The following FNTB variants were observed in gnomAD, a reference collection of about 807,000 sequenced individuals.
FNTB encodes protein farnesyltransferase subunit beta.
Under a neutral mutation model 59.4 loss-of-function variants are expected in FNTB, and 27 were observed. That is an observed-to-expected ratio of 0.45 (90% confidence interval 0.34 to 0.63). The LOEUF (loss-of-function observed/expected upper bound fraction) is 0.63. FNTB is among the 20% of genes least tolerant of loss of function. FNTB has a pLI of 0.02. For synonymous variants in FNTB, 230 were observed against 220.7 expected (o/e 1.04, Z -0.37); for missense variants, 449 against 559.6 (o/e 0.80, Z 1.99).
chr14:65,012,273 G>A lies in FNTB; in HGVS notation c.210-44G>A, dbSNP rs992307741. On this transcript the variant is annotated intron_variant, in intron 2 of 11. Coordinates refer to ENST00000246166, the MANE Select transcript of FNTB (RefSeq NM_002028.4). This position sits in a 1 kb window ranked among gnomAD's most constrained non-coding sequence, Gnocchi z 5.0. ...GTGCACATACGTGTGTATGGTGGAA[G>A]CATAAGCTATTAGAATGGGCTTATA... 2 of 1,610,722 alleles carry A rather than the reference G, an allele frequency of 1.2e-6. No homozygotes were observed. The highest frequency in any genetic ancestry group is 1.7e-4 in the Middle Eastern group (1 of 6,056).
Position 65,001,033 on chromosome 14 carries a change from C to T in FNTB, c.145-3216C>T, listed in dbSNP as rs543508497. 1.5e-4 allele frequency among the ~76,000 whole-genome samples: 23 copies of T among 152,146 alleles called. No homozygotes were observed. In the South Asian group the frequency reaches 2.5e-3, roughly 16 times the overall value. On this transcript the variant is annotated intron_variant, in intron 1 of 11. Transcript: ENST00000246166. This position sits in a 1 kb window ranked among gnomAD's most constrained non-coding sequence, Gnocchi z 5.5. Reference sequence around the variant, plus strand: ...TGAAATGCCTTTAAACAACTGCCCCCGGACATGGGTGTTGGGAGCATAAAT... The same window carrying T: ...TGAAATGCCTTTAAACAACTGCCCCTGGACATGGGTGTTGGGAGCATAAAT...
chr14:65,012,835 A>G lies in FNTB; in HGVS notation c.282+446A>G, dbSNP rs1299063904. Among the ~76,000 whole-genome samples the G allele has an allele frequency of 6.6e-6, 1 of 152,224 alleles. No individual in the cohort carries two copies. Among genetic ancestry groups the G allele is most frequent in the African/African-American group, 2.4e-5 (1 of 41,456 alleles). ...CTTCACCACTCCTTCTAGTAAGTAC[A>G]TTACTTTTCATATCTTCATTAAAGA... On this transcript the variant is annotated intron_variant, in intron 3 of 11. Transcript: ENST00000246166. This position sits in a 1 kb window ranked among gnomAD's most constrained non-coding sequence, Gnocchi z 5.0.
intron 9 of FNTB, among the ~76,000 whole-genome samples, chr14:65,048,556 A>G (rs1053917828): frequency 6.6e-6 from 1 of 152,296 alleles, no homozygotes; most frequent in African/African-American, 2.4e-5. Context: ...AGGAATTACT[A>G]TTAGTACCTT....
chr14:65,045,563 G>A (rs189489913), intron 9 of FNTB, among the ~76,000 whole-genome samples: 53 of 151,970 alleles, frequency 3.5e-4, no homozygotes, highest in Non-Finnish European at 1.0e-4. Context: ...CTACAGGCGC[G>A]TGCCACCACA....
chr14:64,988,515 C>T (rs903471379), intron 1 of FNTB, among the ~76,000 whole-genome samples: 1 of 150,014 alleles, frequency 6.7e-6, no homozygotes, highest in Non-Finnish European at 1.5e-5. Flanking sequence ...GCTTACTGCA[C>T]CCTCCGCCTC....
Position 65,047,978 on chromosome 14 carries a change from ATTTTTTTTT to A in FNTB, c.955+3554_955+3562del, listed in dbSNP as rs34879850. On this transcript the variant is annotated intron_variant, in intron 9 of 11. Transcript: ENST00000246166. The surrounding 1 kb of genome is among the most constrained non-coding windows in gnomAD (Gnocchi z 5.2). ...AGACAGAAGGAGGGAGACTTTTTAG[ATTTTTTTTT>A]TTTTTTTTTTTTTTTTTTGAGACAG... is the stretch of plus-strand genomic sequence containing the variant. Among the ~76,000 whole-genome samples, 2 of 64,128 alleles carry A rather than the reference ATTTTTTTTT, an allele frequency of 3.1e-5. No individual in the cohort carries two copies. Among genetic ancestry groups the A allele is most frequent in the South Asian group, 6.3e-4 (1 of 1,596 alleles). The allele number at this position is 64,128 out of a possible 152,430, so 42.1% of individuals were successfully genotyped here.
rs2139586469 is a variant in FNTB at position 65,031,118 on chromosome 14, T to C, written c.606-1492T>C. Among the ~76,000 whole-genome samples the C allele has an allele frequency of 6.6e-6, 1 of 151,768 alleles. No homozygotes were observed. Among genetic ancestry groups the C allele is most frequent in the African/African-American group, 2.4e-5 (1 of 41,376 alleles). ...CTACCATGCCTGGCCAGGAGAAGGATTTTTGAGCAGAATTCAAACCAATGA... is the reference window on the plus strand; with the variant it reads ...CTACCATGCCTGGCCAGGAGAAGGACTTTTGAGCAGAATTCAAACCAATGA... On this transcript the variant is annotated intron_variant, in intron 6 of 11. Coordinates refer to ENST00000246166, the MANE Select transcript of FNTB (RefSeq NM_002028.4). The surrounding 1 kb of genome is among the most constrained non-coding windows in gnomAD (Gnocchi z 4.6).
At position 65,029,138 on chromosome 14, in the gene FNTB, G is replaced by A. The variant is rs1333447387; in HGVS notation, c.605+1357G>A. 6.6e-6 allele frequency among the ~76,000 whole-genome samples: 1 copy of A among 152,062 alleles called. No homozygotes were observed. ...ATTCTTCCCTGACCTTTGCTCTTTG[G>A]GTGATGCTCTGCCATTCGTGCCCGT... On this transcript the variant is annotated intron_variant, in intron 6 of 11. Coordinates refer to ENST00000246166, the MANE Select transcript of FNTB (RefSeq NM_002028.4). This position sits in a 1 kb window ranked among gnomAD's most constrained non-coding sequence, Gnocchi z 4.7.
At chr14:65,045,418 C>G (rs563451844) in intron 9 of FNTB, among the ~76,000 whole-genome samples, 17 of 143,910 alleles carry the variant, frequency 1.2e-4, no homozygotes, top group African/African-American at 2.8e-4. Flanking sequence ...CGTCTTCCCC[C>G]CTCCCCGCCG....
At position 65,047,966 on chromosome 14, in the gene FNTB, G is replaced by A. The variant is rs1022654303; in HGVS notation, c.955+3523G>A. Among the ~76,000 whole-genome samples, 2 of 150,516 alleles carry A rather than the reference G, an allele frequency of 1.3e-5. No homozygotes were observed. Among genetic ancestry groups the A allele is most frequent in the Non-Finnish European group, 1.5e-5 (1 of 67,854 alleles). Reference sequence around the variant, plus strand: ...GAAGCAGACAGAAGACAGAAGGAGGGAGACTTTTTAGATTTTTTTTTTTTT... The same window carrying A: ...GAAGCAGACAGAAGACAGAAGGAGGAAGACTTTTTAGATTTTTTTTTTTTT... On this transcript the variant is annotated intron_variant, in intron 9 of 11. Coordinates refer to ENST00000246166, the MANE Select transcript of FNTB (RefSeq NM_002028.4). This position sits in a 1 kb window ranked among gnomAD's most constrained non-coding sequence, Gnocchi z 5.2.
chr14:64,999,200 G>A (rs1289508010), intron 1 of FNTB, among the ~76,000 whole-genome samples: 2 of 152,226 alleles, frequency 1.3e-5, no homozygotes, highest in Non-Finnish European at 2.9e-5. Context: ...CACTTTGGGA[G>A]GCCAAGGCTT....
rs1350380247 is a variant in FNTB at position 65,032,016 on chromosome 14, G to GTGTA, written c.606-593_606-590dup. Among the ~76,000 whole-genome samples, 1 of 149,482 alleles carries GTGTA rather than the reference G, an allele frequency of 6.7e-6. No individual in the cohort carries two copies. Among genetic ancestry groups the GTGTA allele is most frequent in the Non-Finnish European group, 1.5e-5 (1 of 66,914 alleles). ...TGTGTGTGTGTGTGTGTGTGTGTGT[G>GTGTA]TGTACTGGTGAGAGGTTTGAAATCA... On this transcript the variant is annotated intron_variant, in intron 6 of 11. Coordinates refer to ENST00000246166, the MANE Select transcript of FNTB (RefSeq NM_002028.4). The surrounding 1 kb of genome is among the most constrained non-coding windows in gnomAD (Gnocchi z 5.0).
chr14:65,051,648 A>G (rs1174821445), intron 9 of FNTB, among the ~76,000 whole-genome samples: 1 of 152,084 alleles, frequency 6.6e-6, no homozygotes, highest in African/African-American at 2.4e-5. Context: ...CAACAGTTTA[A>G]TATTTTGCTT....
Position 65,012,500 on chromosome 14 carries a change from T to G in FNTB, c.282+111T>G. ...GGCTGACCTGTTGCAGAGTCACTCT[T>G]TGTTCTCTGTGGCTCTGGCAGGAGG... On this transcript the variant is annotated intron_variant, in intron 3 of 11. Transcript: ENST00000246166. This position sits in a 1 kb window ranked among gnomAD's most constrained non-coding sequence, Gnocchi z 5.0. The G allele has an allele frequency of 7.1e-7, 1 of 1,406,312 alleles. No homozygotes were observed. The highest frequency in any genetic ancestry group is 9.8e-7 in the Non-Finnish European group (1 of 1,024,366). 87.1% of individuals were successfully genotyped at this position (1,406,312 alleles called of 1,614,324 possible).
Position 65,026,191 on chromosome 14 carries a change from G to A in FNTB, c.375-1262G>A, listed in dbSNP as rs933097352. 3.3e-4 allele frequency among the ~76,000 whole-genome samples: 51 copies of A among 152,322 alleles called. 1 individual carries two copies. The highest frequency in any genetic ancestry group is 1.2e-3 in the African/African-American group (49 of 41,564). ...GTTGTAAATGGAGGTTTCTCCTGGC[G>A]GGAAGGCTGTGACCCTGCTGAGCTG... is the stretch of plus-strand genomic sequence containing the variant. On this transcript the variant is annotated intron_variant, in intron 4 of 11. Coordinates refer to ENST00000246166, the MANE Select transcript of FNTB (RefSeq NM_002028.4).
intron 8 of FNTB, among the ~76,000 whole-genome samples, chr14:65,043,233 G>A (rs1229523821): frequency 1.3e-5 from 2 of 152,162 alleles, no homozygotes; most frequent in Non-Finnish European, 2.9e-5. Flanking sequence ...CATTCTGAGG[G>A]ACCAAACCCA....
At chr14:65,037,103 CT>C (rs542635964) in intron 7 of FNTB, among the ~76,000 whole-genome samples, 112 of 143,920 alleles carry the variant, frequency 7.8e-4, no homozygotes, top group Admixed American at 1.1e-3. Flanking sequence ...TGTGTTTGCT[CT>C]TTTTTTTTTT....
chr14:64,994,406 A>T lies in FNTB; in HGVS notation c.144+7309A>T, dbSNP rs1888318603. ...ACAGTAGAAATACATTGTCAGTAGG[A>T]AATTTCCTTGTCATGTGAACATCAT... is the stretch of plus-strand genomic sequence containing the variant. On this transcript the variant is annotated intron_variant, in intron 1 of 11. Transcript: ENST00000246166. The surrounding 1 kb of genome is among the most constrained non-coding windows in gnomAD (Gnocchi z 4.2). Among the ~76,000 whole-genome samples, 1 of 152,200 alleles carries T rather than the reference A, an allele frequency of 6.6e-6. No homozygotes were observed.
chr14:65,038,809 T>G (rs74860918), intron 7 of FNTB, among the ~76,000 whole-genome samples: 1 of 152,210 alleles, frequency 6.6e-6, no homozygotes, highest in Non-Finnish European at 1.5e-5. Flanking sequence ...ATTCTCTTAG[T>G]ATTTATCTTC....
Sources: gnomAD v4.1 joint callset for allele counts (sites outside exome capture counted in the v4.1 genomes callset) on GRCh38, gnomAD v4.1.1 for gene constraint, Gnocchi (gnomAD v3.1) non-coding constraint, MANE v1.5 for transcripts, NCBI Gene and HGNC (gene_info 2026-07-23, HGNC 2026-07-21) for gene names.